Variants in RRM1 observed in about 807,000 individuals in gnomAD.
RRM1 encodes the protein ribonucleotide reductase catalytic subunit M1.
RRM1 carries 19 observed loss-of-function variants against 101.5 expected under a neutral mutation model. That is an observed-to-expected ratio of 0.19 (90% CI 0.13 to 0.27). The LOEUF (loss-of-function observed/expected upper bound fraction) is 0.27, where lower values mean the gene tolerates loss of function less well. Among genes scored for constraint, RRM1 ranks in the 10% least tolerant of loss-of-function variants. RRM1 has a pLI of 1.00. For synonymous variants in RRM1, 298 were observed against 323.4 expected, an observed-to-expected ratio of 0.92 and a Z score of 0.84; for missense variants, 500 against 962.9, an observed-to-expected ratio of 0.52 and a Z score of 6.36.
intron 1 of RRM1, 145 bp downstream of exon 1, chr11:4,095,176 G>T (rs1277634915): frequency 2.0e-6 from 2 of 986,492 alleles, no homozygotes; most frequent in Non-Finnish European, 3.0e-6. Context: ...CTGTCAGCCC[G>T]CTCGGCCTTC....
intron 12 of RRM1, among the ~76,000 whole-genome samples, chr11:4,124,100 A>G (rs1466360397): frequency 6.6e-6 from 1 of 152,202 alleles, no homozygotes; most frequent in Non-Finnish European, 1.5e-5. Context: ...AATTATTGGA[A>G]TATGGAGAGA....
At chr11:4,104,323 T>A (rs1383283371) in intron 2 of RRM1, among the ~76,000 whole-genome samples, 6 of 152,250 alleles carry the variant, frequency 3.9e-5, no homozygotes, top group Non-Finnish European at 7.3e-5. Flanking sequence ...TTAGAATAGA[T>A]TGCAGACTGT....
chr11:4,122,577 A>G lies in RRM1; in HGVS notation c.1118+357A>G, dbSNP rs534937985. ...ACTAGGACACATATGTCAGTAGTTT[A>G]TTAAAATTAAATAGGTCAGGTGCAG... is the stretch of plus-strand genomic sequence containing the variant. On this transcript the variant is annotated intron_variant, in intron 11 of 18. Transcript: ENST00000300738. Among the ~76,000 whole-genome samples the G allele has an allele frequency of 6.6e-5, 10 of 152,292 alleles. No homozygotes were observed. The South Asian group carries it at 1.0e-3, about 16-fold the overall frequency.
At position 4,123,185 on chromosome 11, in the gene RRM1, A is replaced by T. The variant is rs748523183; in HGVS notation, c.1121A>T (p.Tyr374Phe). Reference sequence around the variant, plus strand: ...ATAATATTATCTGTGCCTTTCAGTTATGAGAAACAAGGTCGTGTCCGCAAA... The same window carrying T: ...ATAATATTATCTGTGCCTTTCAGTTTTGAGAAACAAGGTCGTGTCCGCAAA... ...GEEFEKLYAS[Y>F]EKQGRVRKVV... The change falls in exon 12 of 19, where the codon TAT (tyrosine) becomes TTT (phenylalanine). Residue 374 changes from tyrosine to phenylalanine, a missense_variant and splice_region_variant. Physicochemically the swap from Tyr to Phe is conservative, Grantham distance 22. Coordinates refer to ENST00000300738, the MANE Select transcript of RRM1 (RefSeq NM_001033.5). 3 of 1,613,132 alleles carry T rather than the reference A, an allele frequency of 1.9e-6. No individual in the cohort carries two copies. In the South Asian group the frequency reaches 3.3e-5, roughly 18 times the overall value.
intron 7 of RRM1, among the ~76,000 whole-genome samples, chr11:4,114,819 T>G (rs1374523023): frequency 6.6e-6 from 1 of 152,030 alleles, no homozygotes; most frequent in Non-Finnish European, 1.5e-5. Flanking sequence ...TCCAAGTGAT[T>G]CTCCTGCCTC....
chr11:4,117,314 A>T lies in RRM1; in HGVS notation c.651-1006A>T, dbSNP rs533416072. Among the ~76,000 whole-genome samples, 146 of 152,346 alleles carry T rather than the reference A, an allele frequency of 9.6e-4. 1 individual carries two copies. The highest frequency in any genetic ancestry group is 3.3e-3 in the African/African-American group (138 of 41,576). ...TCATATTCTACAGAAATGCTTAGAG[A>T]TAAACACAAGGTGTTGTGTTCAAGA... On this transcript the variant is annotated intron_variant, in intron 7 of 18. Coordinates refer to ENST00000300738, the MANE Select transcript of RRM1 (RefSeq NM_001033.5).
At chr11:4,126,554 A>C (rs2094589822) in intron 12 of RRM1, 130 bp from the exon 13 acceptor site, 4 of 708,070 alleles carry the variant, frequency 5.6e-6, no homozygotes, top group Non-Finnish European at 2.3e-6. Context: ...TGAATGATGA[A>C]GAGGGAGAAG....
intron 1 of RRM1, among the ~76,000 whole-genome samples, chr11:4,095,882 C>T (rs1441222573): frequency 6.6e-6 from 1 of 152,168 alleles, no homozygotes; most frequent in Non-Finnish European, 1.5e-5. Flanking sequence ...TTAACAACCG[C>T]ATGAGATACG....
At chr11:4,121,971 A>T in intron 10 of RRM1, 170 bp from the exon 11 acceptor site, 1 of 667,424 alleles carries the variant, frequency 1.5e-6, no homozygotes, top group Middle Eastern at 2.9e-4. Flanking sequence ...TTAAAAGGTC[A>T]TGTATAAACA....
Position 4,094,835 on chromosome 11 carries a change from G to T in RRM1, c.-178G>T. 1 of 652,270 alleles carries T rather than the reference G, an allele frequency of 1.5e-6. No homozygotes were observed. Among genetic ancestry groups the T allele is most frequent in the East Asian group, 2.8e-5 (1 of 35,838 alleles). The allele number at this position is 652,270 out of a possible 1,614,324, so 40.4% of individuals were successfully genotyped here. A position where few individuals can be genotyped will look rare whatever the true frequency, so the allele number is the denominator to read the frequency against. On this transcript the variant is annotated 5_prime_UTR_variant, in exon 1 of 19. Transcript: ENST00000300738. ...TCACGGGTGGCGGGCGCGGGAAGGG[G>T]ATTTGGATTGTTGCGCCTCTGCTCT...
At chr11:4,116,383 G>C (rs1441001259) in intron 7 of RRM1, 1 of 152,294 alleles carries the variant, frequency 6.6e-6, no homozygotes, top group African/African-American at 2.4e-5. Context: ...CCTGAGGTCA[G>C]GAGTTCGAGA....
At chr11:4,100,592 G>A (rs2094549618) in intron 1 of RRM1, among the ~76,000 whole-genome samples, 1 of 152,176 alleles carries the variant, frequency 6.6e-6, no homozygotes, top group African/African-American at 2.4e-5. Flanking sequence ...GATTGTAGGT[G>A]CACAAAAGAG....
chr11:4,105,970 GT>G (rs2094557818), intron 2 of RRM1, 75 bp from the exon 3 acceptor site: 1 of 1,301,042 alleles, frequency 7.7e-7, no homozygotes, highest in African/African-American at 1.5e-5. Flanking sequence ...GGCCATGATG[GT>G]TTTCTTAATT....
chr11:4,115,635 C>A (rs907367360), intron 7 of RRM1, among the ~76,000 whole-genome samples: 1 of 152,070 alleles, frequency 6.6e-6, no homozygotes, highest in Non-Finnish European at 1.5e-5. Flanking sequence ...TGGCTTACTG[C>A]AACCTCTGCC....
chr11:4,111,190 T>TA (rs1042854826), intron 5 of RRM1, among the ~76,000 whole-genome samples: 1 of 151,642 alleles, frequency 6.6e-6, no homozygotes, highest in Admixed American at 6.6e-5. Flanking sequence ...AAGTTTTTTT[T>TA]AAAAAAAGTG....
rs1445950649 is a variant in RRM1, at chr11:4,111,991, T to G, written c.579T>G (p.Leu193=). Residue 193 remains leucine, a synonymous_variant, in exon 7 of 19, where the codon CTT becomes CTG. Transcript: ENST00000300738. ...IDAAIETYNL[L]SERWFTHASP... ...CAGCAATTGAAACATATAATCTTCT[T>G]TCTGAGAGGTGGTTTACTCATGCTT... is the stretch of plus-strand genomic sequence containing the variant. The G allele has an allele frequency of 4.3e-6, 7 of 1,614,044 alleles. No homozygotes were observed. The highest frequency in any genetic ancestry group is 4.0e-5 in the African/African-American group (3 of 74,932).
At chr11:4,136,421 T>C (rs1446531869) in intron 18 of RRM1, among the ~76,000 whole-genome samples, 3 of 152,098 alleles carry the variant, frequency 2.0e-5, no homozygotes, top group Non-Finnish European at 2.9e-5. Context: ...GGTTTTGCCA[T>C]GTTGGCCAGG....
At chr11:4,123,820 C>T (rs1473514573) in intron 12 of RRM1, among the ~76,000 whole-genome samples, 1 of 151,978 alleles carries the variant, frequency 6.6e-6, no homozygotes, top group Non-Finnish European at 1.5e-5. Context: ...AACAAACAAA[C>T]AAAAAACCAA....
At position 4,094,968 on chromosome 11, in the gene RRM1, C is replaced by A. The variant is rs1042813; in HGVS notation, c.-45C>A. 1 of 1,553,188 alleles carries A rather than the reference C, an allele frequency of 6.4e-7. No individual in the cohort carries two copies. The highest frequency in any genetic ancestry group is 1.4e-5 in the African/African-American group (1 of 73,244). ...CTCGATCCCGCCGGCGCTTTAGAGC[C>A]GCAGTCCAGTCTTGGATCCTTCAGA... is the stretch of plus-strand genomic sequence containing the variant. On this transcript the variant is annotated 5_prime_UTR_variant, in exon 1 of 19. Coordinates refer to ENST00000300738, the MANE Select transcript of RRM1 (RefSeq NM_001033.5).
Sources: gnomAD v4.1 joint callset for allele counts (sites outside exome capture counted in the v4.1 genomes callset) on GRCh38, gnomAD v4.1.1 for gene constraint, MANE v1.5 for transcripts, NCBI Gene and HGNC (gene_info 2026-07-23, HGNC 2026-07-21) for gene names.